Variants in CORO2B observed in about 807,000 individuals in gnomAD.
CORO2B encodes the protein coronin-2B.
CORO2B carries 26 observed loss-of-function variants against 58.8 expected under a neutral mutation model. The observed-to-expected ratio is 0.44, with a 90% CI of 0.32 to 0.61. The LOEUF (loss-of-function observed/expected upper bound fraction) is 0.61. CORO2B is among the 20% of genes least tolerant of loss of function. CORO2B has a pLI of 0.04. For missense variants in CORO2B, 460 were observed against 645.1 expected, an observed-to-expected ratio of 0.71 and a Z score of 3.11; for synonymous variants, 242 against 253.8, an observed-to-expected ratio of 0.95 and a Z score of 0.44.
chr15:68,559,717 G>A, the CORO2B span: 1 of 857,882 alleles, frequency 1.2e-6, no homozygotes, highest in Non-Finnish European at 1.4e-6. The surrounding 1 kb of genome is among the most constrained non-coding windows in gnomAD (Gnocchi z 4.3). Flanking sequence ...CTCCCAGGGG[G>A]ACTGTCGGTG....
At chr15:68,609,806 G>A (rs1021020847) in intron 1 of CORO2B, among the ~76,000 whole-genome samples, 3 of 152,214 alleles carry the variant, frequency 2.0e-5, no homozygotes, top group Non-Finnish European at 4.4e-5. Context: ...CTGGAGGGCT[G>A]TACAGCAGCC....
At chr15:68,638,763 A>T (rs1322655125) in intron 1 of CORO2B, among the ~76,000 whole-genome samples, 1 of 152,204 alleles carries the variant, frequency 6.6e-6, no homozygotes, top group Non-Finnish European at 1.5e-5. Flanking sequence ...AGCCACACAG[A>T]CACTCTATGT....
chr15:68,725,730 C>G (rs779084250), intron 11 of CORO2B, 113 bp from the exon 12 acceptor site: 40 of 1,382,416 alleles, frequency 2.9e-5, no homozygotes, highest in Non-Finnish European at 3.1e-5. Flanking sequence ...AGTGGGAGGC[C>G]TGGGGGAATG....
At chr15:68,711,920 TC>T (rs1426312327) in intron 5 of CORO2B, among the ~76,000 whole-genome samples, 5 of 152,084 alleles carry the variant, frequency 3.3e-5, no homozygotes, top group Admixed American at 3.3e-4. Flanking sequence ...CCCTTTCCTG[TC>T]CCCACTGCAC....
At chr15:68,548,367 T>C in the CORO2B span, among the ~76,000 whole-genome samples, 2 of 152,184 alleles carry the variant, frequency 1.3e-5, no homozygotes, top group African/African-American at 2.4e-5. Context: ...AAAACAAAGC[T>C]GCAAATAACC....
Position 68,711,494 on chromosome 15 carries a change from G to C in CORO2B, c.484-48G>C, listed in dbSNP as rs57390996. 6,191 of 1,564,768 alleles carry C rather than the reference G, an allele frequency of 4.0e-3. 149 individuals are homozygous for C. The African/African-American group carries it at 0.063, about 16-fold the overall frequency. ...GTGTGCACTGGGGACAAACACCCCA[G>C]GACCCTAGCAGCCACTGACCCTGCC... On this transcript the variant is annotated intron_variant, in intron 4 of 11. Coordinates refer to ENST00000261861, the MANE Select transcript of CORO2B (RefSeq NM_006091.5).
At chr15:68,638,562 T>G (rs367729179) in intron 1 of CORO2B, among the ~76,000 whole-genome samples, 6 of 152,202 alleles carry the variant, frequency 3.9e-5, no homozygotes, top group African/African-American at 1.4e-4. Flanking sequence ...TTTACACTTT[T>G]GTGTAGGGCC....
chr15:68,698,072 A>G (rs1373185232), intron 3 of CORO2B, among the ~76,000 whole-genome samples: 1 of 151,998 alleles, frequency 6.6e-6, no homozygotes, highest in African/African-American at 2.4e-5. Flanking sequence ...GGCCTTTCAC[A>G]TACATTTAGC....
chr15:68,642,348 C>T (rs1319774873), intron 1 of CORO2B, among the ~76,000 whole-genome samples: 4 of 151,820 alleles, frequency 2.6e-5, no homozygotes, highest in Non-Finnish European at 5.9e-5. Context: ...CCAGGGAGAG[C>T]CTGCGGTGAC....
At chr15:68,662,029 T>TAAA (rs61116087) in intron 2 of CORO2B, among the ~76,000 whole-genome samples, 8,305 of 151,078 alleles carry the variant, frequency 0.055, 346 homozygotes, top group African/African-American at 0.12. Context: ...AATAAATAAA[T>TAAA]TAATTAATTA....
chr15:68,653,233 T>A (rs1465675372), intron 2 of CORO2B, among the ~76,000 whole-genome samples: 2 of 152,072 alleles, frequency 1.3e-5, no homozygotes, highest in Non-Finnish European at 2.9e-5. Context: ...AACAGATGGG[T>A]ATTGAATGCC....
chr15:68,559,823 G>C, the CORO2B span, among the ~76,000 whole-genome samples: 1 of 152,216 alleles, frequency 6.6e-6, no homozygotes, highest in East Asian at 1.9e-4. This position sits in a 1 kb window ranked among gnomAD's most constrained non-coding sequence, Gnocchi z 4.3. Context: ...GGCGCTCCAG[G>C]ACCAGCAGGT....
chr15:68,679,931 G>C (rs1902721012), intron 2 of CORO2B, among the ~76,000 whole-genome samples: 4 of 152,230 alleles, frequency 2.6e-5, no homozygotes, highest in South Asian at 4.1e-4. Context: ...GATGGAGCAA[G>C]GCTGAAGTTC....
At chr15:68,578,326 C>G (rs893561444), upstream of CORO2B, among the ~76,000 whole-genome samples, 1 of 152,202 alleles carries the variant, frequency 6.6e-6, no homozygotes, top group Non-Finnish European at 1.5e-5. This position sits in a 1 kb window ranked among gnomAD's most constrained non-coding sequence, Gnocchi z 4.2. Flanking sequence ...AGGAACGGCT[C>G]GGGCAGGCAG....
chr15:68,681,108 G>A (rs1268093502), intron 2 of CORO2B, among the ~76,000 whole-genome samples: 2 of 149,070 alleles, frequency 1.3e-5, no homozygotes, highest in Admixed American at 6.7e-5. Flanking sequence ...AGCTACTCGC[G>A]AACCTGAGGC....
At chr15:68,717,332 CT>C (rs755828959) in intron 8 of CORO2B, among the ~76,000 whole-genome samples, 13 of 151,242 alleles carry the variant, frequency 8.6e-5, no homozygotes, top group Non-Finnish European at 1.6e-4. Context: ...AAAAAGATTT[CT>C]CTGGCTTCAG....
chr15:68,546,089 T>C, the CORO2B span, among the ~76,000 whole-genome samples: 1 of 152,194 alleles, frequency 6.6e-6, no homozygotes, highest in East Asian at 1.9e-4. Context: ...GTTGCTTGGG[T>C]AGAAAATCGA....
intron 1 of CORO2B, among the ~76,000 whole-genome samples, chr15:68,626,547 C>T (rs1900687672): frequency 6.6e-6 from 1 of 152,084 alleles, no homozygotes; most frequent in Admixed American, 6.6e-5. Flanking sequence ...AAGGGAGAAG[C>T]CAGGGGCTTG....
At chr15:68,570,169 C>T in the CORO2B span, among the ~76,000 whole-genome samples, 3 of 152,158 alleles carry the variant, frequency 2.0e-5, no homozygotes, top group Non-Finnish European at 4.4e-5. Flanking sequence ...GAGTTGGATA[C>T]GGGGTTTAAT....
Sources: allele counts gnomAD v4.1 joint callset (sites outside exome capture counted in the v4.1 genomes callset), GRCh38; gene constraint gnomAD v4.1.1; non-coding constraint Gnocchi (gnomAD v3.1); transcripts MANE v1.5; gene names NCBI Gene and HGNC (gene_info 2026-07-23, HGNC 2026-07-21).